The following BCL11A variants were observed in gnomAD, a reference collection of about 807,000 sequenced individuals.
The protein encoded by BCL11A is BCL11 transcription factor A.
Under a neutral mutation model 55.9 loss-of-function variants are expected in BCL11A, and 2 were observed. That is an observed-to-expected ratio of 0.04 (90% CI 0.01 to 0.11). The LOEUF (loss-of-function observed/expected upper bound fraction) is 0.11. BCL11A is among the 10% of genes least tolerant of loss of function. The pLI is 1.00. For missense variants in BCL11A, 817 were observed against 1,137.1 expected, an observed-to-expected ratio of 0.72 and a Z score of 4.05; for synonymous variants, 465 against 473.4, an observed-to-expected ratio of 0.98 and a Z score of 0.23.
intron 1 of BCL11A, among the ~76,000 whole-genome samples, chr2:60,548,450 A>T (rs908553916): frequency 2.0e-5 from 3 of 152,174 alleles, no homozygotes; most frequent in African/African-American, 7.2e-5. Flanking sequence ...GGTTCAAAAC[A>T]GACTTGGTTA....
intron 2 of BCL11A, among the ~76,000 whole-genome samples, chr2:60,490,573 G>C (rs575110296): frequency 1.3e-5 from 2 of 152,188 alleles, no homozygotes; most frequent in African/African-American, 2.4e-5. Flanking sequence ...TTAGCAAGAA[G>C]AATCAATCTC....
downstream of BCL11A, chr2:60,457,074 C>T (rs1031817828): frequency 5.6e-6 from 1 of 178,458 alleles, no homozygotes; most frequent in Non-Finnish European, 1.1e-5. Flanking sequence ...ATAATACACG[C>T]ATCAGAATGC....
Position 60,458,275 on chromosome 2 carries a change from T to G in BCL11A, c.*2129A>C, listed in dbSNP as rs1004769322. The G allele has an allele frequency of 1.6e-5, 7 of 441,732 alleles. No individual in the cohort carries two copies. Among genetic ancestry groups the G allele is most frequent in the South Asian group, 9.7e-5 (1 of 10,296 alleles). The allele number at this position is 441,732 out of a possible 1,614,324, so 27.4% of individuals were successfully genotyped here. A position where few individuals can be genotyped will look rare whatever the true frequency, so the allele number is the denominator to read the frequency against. ...ATCTTAAACCTTTCCCCAATGTATG[T>G]TTTTTTTTTTTACAACCTGAAGAGC... On this transcript the variant is annotated 3_prime_UTR_variant, in exon 4 of 4. Transcript: ENST00000642384.
At chr2:60,539,543 C>A (rs573550412) in intron 2 of BCL11A, among the ~76,000 whole-genome samples, 1 of 152,244 alleles carries the variant, frequency 6.6e-6, no homozygotes, top group African/African-American at 2.4e-5. Context: ...AGACAAATTC[C>A]AATGAACCCA....
chr2:60,473,078 CTGTG>C (rs140898022), intron 2 of BCL11A, among the ~76,000 whole-genome samples: 1 of 147,712 alleles, frequency 6.8e-6, no homozygotes, highest in African/African-American at 2.4e-5. Flanking sequence ...TATATTGTGA[CTGTG>C]TGCATGTGTG....
intron 2 of BCL11A, among the ~76,000 whole-genome samples, chr2:60,520,869 C>A (rs2104555093): frequency 6.6e-6 from 1 of 152,260 alleles, no homozygotes; most frequent in African/African-American, 2.4e-5. Context: ...TGTTTTCGTG[C>A]AAGCTTAGCC....
chr2:60,542,154 G>A (rs958559920), intron 2 of BCL11A: 2 of 352,678 alleles, frequency 5.7e-6, no homozygotes, highest in Admixed American at 9.6e-5. Context: ...CTATGTTCAT[G>A]ATTTTAAAGA....
intron 2 of BCL11A, chr2:60,542,864 A>G (rs1669984601): frequency 6.6e-6 from 1 of 152,114 alleles, no homozygotes; most frequent in South Asian, 2.1e-4. Context: ...CCCTGCCTCT[A>G]CTGAAAATAC....
intron 2 of BCL11A, among the ~76,000 whole-genome samples, chr2:60,473,506 C>T (rs546994096): frequency 2.8e-4 from 43 of 152,254 alleles, no homozygotes; most frequent in African/African-American, 1.0e-3. Context: ...GCATCCTGAA[C>T]GTTTGTAAAG....
chr2:60,471,185 T>C (rs925027037), intron 2 of BCL11A, among the ~76,000 whole-genome samples: 2 of 152,258 alleles, frequency 1.3e-5, no homozygotes, highest in Non-Finnish European at 2.9e-5. Context: ...AGGCCTGCTC[T>C]GCTGCCTGGG....
intron 2 of BCL11A, among the ~76,000 whole-genome samples, chr2:60,532,579 A>AT (rs1203483863): frequency 6.6e-6 from 1 of 152,156 alleles, no homozygotes; most frequent in Non-Finnish European, 1.5e-5. Flanking sequence ...AAGAAAAAAA[A>AT]GGAAAGAAAA....
At chr2:60,477,600 T>TAAAGAAAGAAAG (rs10631738) in intron 2 of BCL11A, among the ~76,000 whole-genome samples, 7,181 of 150,554 alleles carry the variant, frequency 0.048, 228 homozygotes, top group East Asian at 0.12. Flanking sequence ...TAGAGTAAAA[T>TAAAGAAAGAAAG]AAATAAAGAA....
Position 60,460,551 on chromosome 2 carries a change from C to T in BCL11A, c.2361G>A (p.Arg787=). Residue 787 remains arginine (R), a synonymous_variant, in exon 4 of 4, where the codon AGG becomes AGA. Transcript: ENST00000642384. The part of the protein sequence containing the change: ...YACAQSSKLT[R]HMKTHGQVGK... ...CCACCTGGCCATGCGTTTTCATGTG[C>T]CTGGTGAGCTTGCTACTCTGGGCAC... The T allele has an allele frequency of 6.2e-7, 1 of 1,614,130 alleles. No individual in the cohort carries two copies. Among genetic ancestry groups the T allele is most frequent in the South Asian group, 1.1e-5 (1 of 91,084 alleles).
chr2:60,483,772 G>A (rs368376458), intron 2 of BCL11A, among the ~76,000 whole-genome samples: 2 of 152,172 alleles, frequency 1.3e-5, no homozygotes, highest in African/African-American at 2.4e-5. Context: ...CTAAGCACTC[G>A]CCCAAAGCAC....
At position 60,467,648 on chromosome 2, in the gene BCL11A, G is replaced by A. The variant is rs554619367; in HGVS notation, c.487+1084C>T. Reference sequence around the variant, plus strand: ...GGTAATGGTGGTGGTGGTGATGGTGGTGATGATGGTGATGGTACTGGTGGT... The same window carrying A: ...GGTAATGGTGGTGGTGGTGATGGTGATGATGATGGTGATGGTACTGGTGGT... On this transcript the variant is annotated intron_variant, in intron 3 of 3. Coordinates refer to ENST00000642384, the MANE Select transcript of BCL11A (RefSeq NM_022893.4). 4.2e-5 allele frequency among the ~76,000 whole-genome samples: 4 copies of A among 96,384 alleles called. 1 individual carries two copies. In the South Asian group the frequency reaches 1.5e-3, roughly 36 times the overall value. The allele number at this position is 96,384 out of a possible 152,430, so 63.2% of individuals were successfully genotyped here.
Position 60,546,244 on chromosome 2 carries a change from C to G in BCL11A, c.112G>C (p.Ala38Pro), listed in dbSNP as rs780172117. The G allele has an allele frequency of 1.2e-5, 19 of 1,614,082 alleles. No individual in the cohort carries two copies. The highest frequency in any genetic ancestry group is 1.6e-5 in the Non-Finnish European group (19 of 1,180,038). The change falls in exon 2 of 4, where the codon GCT (alanine) becomes CCT (proline). Residue 38 changes from alanine (A) to proline (P), a missense_variant. Ala to Pro is a conservative substitution (Grantham distance 27). Around this residue, in one of 4 missense-constraint regions of BCL11A, gnomAD observed 363 missense variants for 486.6 expected, o/e 0.75. Coordinates refer to ENST00000642384, the MANE Select transcript of BCL11A (RefSeq NM_022893.4). This position sits in a 1 kb window ranked among gnomAD's most constrained non-coding sequence, Gnocchi z 4.1. ...AGGAGGTCATGATCCCCTTCTGGAG[C>G]TCCCAACGGGCCGTGGTCTGGTTCA... ...DDEPDHGPLG[A>P]PEGDHDLLTC...
At chr2:60,513,141 T>C (rs1430500963) in intron 2 of BCL11A, among the ~76,000 whole-genome samples, 2 of 152,112 alleles carry the variant, frequency 1.3e-5, no homozygotes, top group Admixed American at 1.3e-4. Flanking sequence ...TAGTCTAGCC[T>C]GTGAGGGGTT....
chr2:60,542,649 C>A (rs1669974062), intron 2 of BCL11A: 2 of 152,212 alleles, frequency 1.3e-5, no homozygotes, highest in Non-Finnish European at 2.9e-5. Context: ...TGATTAACAT[C>A]TATGTGTACA....
intron 1 of BCL11A, among the ~76,000 whole-genome samples, chr2:60,551,676 G>T (rs1057472567): frequency 6.6e-6 from 1 of 152,162 alleles, no homozygotes; most frequent in Non-Finnish European, 1.5e-5. Context: ...AGTCTGGGAG[G>T]TCGAGAAGAG....
Sources: allele counts gnomAD v4.1 joint callset (sites outside exome capture counted in the v4.1 genomes callset), GRCh38; gene constraint gnomAD v4.1.1; regional missense constraint gnomAD v4.1.1; non-coding constraint Gnocchi (gnomAD v3.1); transcripts MANE v1.5; gene names NCBI Gene and HGNC (gene_info 2026-07-23, HGNC 2026-07-21).